Variants in SLC22A9 observed in about 807,000 individuals in gnomAD.
SLC22A9 encodes solute carrier family 22 member 9, also known as organic anion transporter 7.
A neutral mutation model predicts 50.1 loss-of-function variants in SLC22A9; 64 were observed. The observed-to-expected ratio is 1.28, with a 90% CI of 1.04 to 1.57. The LOEUF is 1.57. Ranked by LOEUF, SLC22A9 falls within the 40% of genes most tolerant of loss-of-function variation. The probability of loss-of-function intolerance (pLI) is 0.00; values close to 1 mark genes in which losing one functional copy is unlikely to be tolerated. For missense variants in SLC22A9, 757 were observed against 676.1 expected, an observed-to-expected ratio of 1.12 and a Z score of -1.33; for synonymous variants, 261 against 242.5, an observed-to-expected ratio of 1.08 and a Z score of -0.71.
At chr11:63,370,552 G>A in intron 1 of SLC22A9, 94 bp downstream of exon 1, 1 of 1,390,964 alleles carries the variant, frequency 7.2e-7, no homozygotes, top group Non-Finnish European at 9.6e-7. Context: ...GTCACATGTA[G>A]GTCCTTAGTC....
intron 6 of SLC22A9, among the ~76,000 whole-genome samples, chr11:63,405,296 A>G (rs1288960664): frequency 6.6e-6 from 1 of 152,136 alleles, no homozygotes; most frequent in African/African-American, 2.4e-5. Flanking sequence ...ACTCAAAGTT[A>G]TCTCTGGCTT....
At chr11:63,375,224 G>A (rs1054132123) in intron 4 of SLC22A9, among the ~76,000 whole-genome samples, 3 of 152,164 alleles carry the variant, frequency 2.0e-5, no homozygotes, top group Admixed American at 1.3e-4. Flanking sequence ...ATGACCAGGA[G>A]TGATTCTAGT....
At chr11:63,371,096 G>C in intron 1 of SLC22A9, 39 bp from the exon 2 acceptor site, 1 of 1,437,356 alleles carries the variant, frequency 7.0e-7, no homozygotes, top group Non-Finnish European at 9.8e-7. Context: ...TACACTGAGG[G>C]GTAATAAGCA....
chr11:63,382,824 T>G (rs375444821), intron 6 of SLC22A9, among the ~76,000 whole-genome samples: 10 of 152,294 alleles, frequency 6.6e-5, no homozygotes, highest in African/African-American at 2.4e-4. Context: ...AGAGGTAAGA[T>G]GTTGTAAAAC....
At chr11:63,379,756 G>C (rs1415809956) in intron 5 of SLC22A9, among the ~76,000 whole-genome samples, 2 of 152,088 alleles carry the variant, frequency 1.3e-5, no homozygotes, top group African/African-American at 4.8e-5. Flanking sequence ...TTTTGAGATG[G>C]AGTCTCACTC....
intron 5 of SLC22A9, among the ~76,000 whole-genome samples, chr11:63,378,692 G>A (rs747308987): frequency 1.3e-5 from 2 of 152,098 alleles, no homozygotes; most frequent in African/African-American, 2.4e-5. Flanking sequence ...CAAAATCAAT[G>A]TACAAAAATC....
At chr11:63,407,513 T>C (rs1385642429) in intron 7 of SLC22A9, among the ~76,000 whole-genome samples, 1 of 152,196 alleles carries the variant, frequency 6.6e-6, no homozygotes, top group South Asian at 2.1e-4. Flanking sequence ...ATTTCTTCAG[T>C]TGGATAGAAA....
intron 6 of SLC22A9, among the ~76,000 whole-genome samples, chr11:63,399,541 A>G (rs1408855738): frequency 6.6e-6 from 1 of 152,190 alleles, no homozygotes; most frequent in African/African-American, 2.4e-5. Flanking sequence ...GGGAGCACCT[A>G]GATATATAAA....
intron 6 of SLC22A9, among the ~76,000 whole-genome samples, chr11:63,403,837 CAATA>C (rs1004094905): frequency 9.9e-5 from 15 of 151,396 alleles, no homozygotes; most frequent in Non-Finnish European, 1.6e-4. Context: ...ATCAATCAAT[CAATA>C]AATAAACAAG....
At chr11:63,386,942 G>GGTTT (rs2014680383) in intron 6 of SLC22A9, among the ~76,000 whole-genome samples, 2 of 151,460 alleles carry the variant, frequency 1.3e-5, no homozygotes, top group African/African-American at 4.8e-5. Context: ...CTAGCTTTGG[G>GGTTT]GTTTGTTTGC....
At chr11:63,370,934 A>G (rs2014346226) in intron 1 of SLC22A9, among the ~76,000 whole-genome samples, 1 of 152,204 alleles carries the variant, frequency 6.6e-6, no homozygotes, top group African/African-American at 2.4e-5. Flanking sequence ...ATAAAAACCT[A>G]TAGGTTTAGG....
chr11:63,381,696 A>G (rs2014563778), intron 5 of SLC22A9, among the ~76,000 whole-genome samples: 1 of 152,190 alleles, frequency 6.6e-6, no homozygotes, highest in Non-Finnish European at 1.5e-5. Context: ...TTCTGAGCCA[A>G]GAACCAAAAT....
chr11:63,410,252 A>C lies in SLC22A9; in HGVS notation c.*390A>C, dbSNP rs994403349. 8.0e-6 allele frequency: 1 copy of C among 124,320 alleles called. No homozygotes were observed. Among genetic ancestry groups the C allele is most frequent in the Non-Finnish European group, 1.7e-5 (1 of 59,400 alleles). The allele number at this position is 124,320 out of a possible 1,614,324, so 7.7% of individuals were successfully genotyped here. The stretch of plus-strand genomic sequence containing the variant: ...CGAGACTGTCTCAAAAAAAAAAAAA[A>C]AAAAAAAAGAAAGAAGGAAAGAAAG... On this transcript the variant is annotated 3_prime_UTR_variant, in exon 10 of 10. Transcript: ENST00000279178.
chr11:63,371,284 A>G (rs1282568337), intron 2 of SLC22A9, 46 bp downstream of exon 2: 2 of 1,358,734 alleles, frequency 1.5e-6, no homozygotes, highest in Admixed American at 3.6e-5. Context: ...ATTTTTTATC[A>G]ACTTATGAAA....
Position 63,383,468 on chromosome 11 carries a change from T to C in SLC22A9, c.1073+1191T>C, listed in dbSNP as rs985249675. 4.6e-5 allele frequency among the ~76,000 whole-genome samples: 7 copies of C among 152,144 alleles called. 1 individual carries two copies. The East Asian group carries it at 1.3e-3, about 29-fold the overall frequency. The stretch of plus-strand genomic sequence containing the variant: ...AGAAATATGCACACACAAATACAGA[T>C]AAGACACTTTACAGAGAATGTTTGA... On this transcript the variant is annotated intron_variant, in intron 6 of 9. Coordinates refer to ENST00000279178, the MANE Select transcript of SLC22A9 (RefSeq NM_080866.3).
intron 3 of SLC22A9, 37 bp from the exon 4 acceptor site, chr11:63,373,857 C>G (rs763496582): frequency 2.5e-6 from 4 of 1,607,242 alleles, no homozygotes; most frequent in Non-Finnish European, 3.4e-6. Flanking sequence ...TGAAACTCCA[C>G]CTTTGAAGTC....
At position 63,381,699 on chromosome 11, in the gene SLC22A9, A is replaced by G. The variant is rs1435965648; in HGVS notation, c.955-460A>G. The stretch of plus-strand genomic sequence containing the variant: ...AACCTTCAGTATTTCTGAGCCAAGA[A>G]CCAAAATGAGTTCTCTCAGGAAATT... On this transcript the variant is annotated intron_variant, in intron 5 of 9. Coordinates refer to ENST00000279178, the MANE Select transcript of SLC22A9 (RefSeq NM_080866.3). Among the ~76,000 whole-genome samples, 4 of 152,122 alleles carry G rather than the reference A, an allele frequency of 2.6e-5. No individual in the cohort carries two copies. In the South Asian group the frequency reaches 8.3e-4, roughly 32 times the overall value.
chr11:63,400,585 C>T (rs1241933019), intron 6 of SLC22A9, among the ~76,000 whole-genome samples: 1 of 152,048 alleles, frequency 6.6e-6, no homozygotes, highest in Non-Finnish European at 1.5e-5. Flanking sequence ...TTCTACCAAA[C>T]ATTTAAAGAA....
At chr11:63,398,379 C>A (rs2014896114) in intron 6 of SLC22A9, among the ~76,000 whole-genome samples, 1 of 152,156 alleles carries the variant, frequency 6.6e-6, no homozygotes, top group African/African-American at 2.4e-5. Context: ...CCAGGCCCAG[C>A]ACAGCACCAG....
Sources: allele counts gnomAD v4.1 joint callset (sites outside exome capture counted in the v4.1 genomes callset), GRCh38; gene constraint gnomAD v4.1.1; transcripts MANE v1.5; gene names NCBI Gene and HGNC (gene_info 2026-07-23, HGNC 2026-07-21).